NPSR1: variants seen among roughly 807,000 people sequenced by gnomAD.
NPSR1 encodes neuropeptide S receptor 1.
Under a neutral mutation model 46.9 loss-of-function variants are expected in NPSR1, and 48 were observed. That is an observed-to-expected ratio of 1.02 (90% confidence interval 0.81 to 1.30). The LOEUF is 1.30. Ranked by LOEUF, NPSR1 falls within the 50% of genes most tolerant of loss-of-function variation. The probability of loss-of-function intolerance (pLI) is 0.00; values close to 1 mark genes in which losing one functional copy is unlikely to be tolerated. For synonymous variants in NPSR1, 176 were observed against 168.1 expected, an observed-to-expected ratio of 1.05 and a Z score of -0.36; for missense variants, 450 against 449.5, an observed-to-expected ratio of 1.00 and a Z score of -0.01.
intron 8 of NPSR1, among the ~76,000 whole-genome samples, chr7:34,857,013 G>A (rs1408556692): frequency 1.3e-5 from 2 of 151,614 alleles, no homozygotes; most frequent in East Asian, 3.8e-4. Context: ...AGTTCCATGA[G>A]CTCCTGCATT....
intron 8 of NPSR1, among the ~76,000 whole-genome samples, chr7:34,855,708 C>A (rs1449455171): frequency 1.3e-5 from 2 of 151,796 alleles, no homozygotes; most frequent in African/African-American, 4.8e-5. Context: ...GCTACAAAGG[C>A]ATTACAAGAA....
At chr7:34,708,867 G>C (rs541279875) in intron 2 of NPSR1, among the ~76,000 whole-genome samples, 4 of 152,182 alleles carry the variant, frequency 2.6e-5, no homozygotes, top group Non-Finnish European at 4.4e-5. Flanking sequence ...AAGGTGAGTG[G>C]TGAGCAGTAA....
chr7:34,784,914 C>T (rs903777628), intron 3 of NPSR1, among the ~76,000 whole-genome samples: 3 of 152,056 alleles, frequency 2.0e-5, no homozygotes, highest in African/African-American at 7.2e-5. Context: ...GAAATAGGAA[C>T]ACTTTTACAC....
intron 2 of NPSR1, among the ~76,000 whole-genome samples, chr7:34,748,323 A>G (rs1785319604): frequency 6.6e-6 from 1 of 152,206 alleles, no homozygotes; most frequent in African/African-American, 2.4e-5. Flanking sequence ...GTCTGGCGGC[A>G]AGGGAGGACT....
intron 8 of NPSR1, among the ~76,000 whole-genome samples, chr7:34,871,837 G>T (rs144908243): frequency 1.3e-5 from 2 of 151,856 alleles, no homozygotes; most frequent in African/African-American, 4.9e-5. Context: ...GGCTTTGCAG[G>T]GTGCAGTACA....
intron 1 of NPSR1, among the ~76,000 whole-genome samples, chr7:34,676,500 T>C (rs1792322164): frequency 6.6e-6 from 1 of 152,126 alleles, no homozygotes; most frequent in African/African-American, 2.4e-5. Flanking sequence ...CAGATTATCC[T>C]GGGATTTGTG....
chr7:34,794,434 T>C (rs1334591863), intron 3 of NPSR1, among the ~76,000 whole-genome samples: 1 of 152,164 alleles, frequency 6.6e-6, no homozygotes, highest in Admixed American at 6.6e-5. Flanking sequence ...ACAGATTTTA[T>C]AACCTAGTTA....
At chr7:34,790,668 ATGTT>A (rs1787697956) in intron 3 of NPSR1, among the ~76,000 whole-genome samples, 1 of 131,670 alleles carries the variant, frequency 7.6e-6, no homozygotes, top group Non-Finnish European at 1.7e-5. Context: ...TTATAAATAT[ATGTT>A]ATATGTTCTA....
At chr7:34,799,529 C>G (rs989651324) in intron 3 of NPSR1, among the ~76,000 whole-genome samples, 7 of 147,600 alleles carry the variant, frequency 4.7e-5, no homozygotes, top group Admixed American at 2.7e-4. Context: ...AGACTTTTGT[C>G]ACCACCAGGC....
rs1785893697 is a variant in NPSR1, at chr7:34,756,919, A to C, written c.281-21543A>C. Among the ~76,000 whole-genome samples, 3 of 152,230 alleles carry C rather than the reference A, an allele frequency of 2.0e-5. No individual in the cohort carries two copies. In the South Asian group the frequency reaches 6.2e-4, roughly 32 times the overall value. On this transcript the variant is annotated intron_variant, in intron 2 of 8. Transcript: ENST00000360581. Reference sequence around the variant, plus strand: ...CCACATGCTTTATATGCTTTACTGAATTAAATCCTACAATAACCACAAAAG... The same window carrying C: ...CCACATGCTTTATATGCTTTACTGACTTAAATCCTACAATAACCACAAAAG...
downstream of NPSR1, among the ~76,000 whole-genome samples, chr7:34,853,977 A>AC (rs1727934917): frequency 6.6e-6 from 1 of 151,544 alleles, no homozygotes; most frequent in Admixed American, 6.6e-5. Context: ...GAAAAAAAAA[A>AC]AACAAAAAAC....
intron 3 of NPSR1, among the ~76,000 whole-genome samples, chr7:34,797,106 T>C (rs896961970): frequency 2.6e-5 from 4 of 152,162 alleles, no homozygotes; most frequent in Non-Finnish European, 5.9e-5. Flanking sequence ...AGCTACATAC[T>C]GTAGATTCCA....
At chr7:34,727,615 A>G (rs577019244) in intron 2 of NPSR1, among the ~76,000 whole-genome samples, 97 of 152,360 alleles carry the variant, frequency 6.4e-4, no homozygotes, top group African/African-American at 2.3e-3. Flanking sequence ...AATACTCTTA[A>G]GTGACTCAGT....
chr7:34,799,378 T>C (rs1031565879), intron 3 of NPSR1, among the ~76,000 whole-genome samples: 1 of 152,016 alleles, frequency 6.6e-6, no homozygotes, highest in Non-Finnish European at 1.5e-5. Flanking sequence ...TTGATAAATT[T>C]CTAGCCAGGC....
At chr7:34,747,153 A>G (rs1785246623) in intron 2 of NPSR1, among the ~76,000 whole-genome samples, 2 of 149,122 alleles carry the variant, frequency 1.3e-5, no homozygotes, top group African/African-American at 4.9e-5. Flanking sequence ...AAAAAGAGGC[A>G]TTTCTAAGAG....
chr7:34,681,630 G>A (rs1201985050), intron 1 of NPSR1, among the ~76,000 whole-genome samples: 2 of 152,152 alleles, frequency 1.3e-5, no homozygotes, highest in Non-Finnish European at 2.9e-5. Flanking sequence ...CCAGAAAGGT[G>A]AGGCCATCCC....
At chr7:34,668,784 C>A (rs902124823) in intron 1 of NPSR1, among the ~76,000 whole-genome samples, 1 of 152,144 alleles carries the variant, frequency 6.6e-6, no homozygotes, top group Non-Finnish European at 1.5e-5. Flanking sequence ...ACGAACCTTG[C>A]CCTGGCTCTC....
At chr7:34,832,321 C>T (rs1790157837) in intron 5 of NPSR1, among the ~76,000 whole-genome samples, 1 of 152,104 alleles carries the variant, frequency 6.6e-6, no homozygotes, top group South Asian at 2.1e-4. Flanking sequence ...ACCTCTTGGG[C>T]CCGGGAGTTC....
chr7:34,875,811 C>G (rs140718267), intron 8 of NPSR1, among the ~76,000 whole-genome samples: 24 of 152,150 alleles, frequency 1.6e-4, no homozygotes, highest in South Asian at 8.3e-4. Flanking sequence ...TAAAGGATTT[C>G]AATGGCAGAA....
Sources: allele counts gnomAD v4.1 joint callset (sites outside exome capture counted in the v4.1 genomes callset), GRCh38; gene constraint gnomAD v4.1.1; transcripts MANE v1.5; gene names NCBI Gene and HGNC (gene_info 2026-07-23, HGNC 2026-07-21).